The following CENPK variants were observed in gnomAD, a reference collection of about 807,000 sequenced individuals.
The protein encoded by CENPK is centromere protein K.
In CENPK, 46 loss-of-function variants were observed where a neutral mutation model predicts 40.9. The observed-to-expected ratio is 1.13, with a 90% confidence interval of 0.89 to 1.44. The LOEUF (loss-of-function observed/expected upper bound fraction) is 1.44. Among genes scored for constraint, CENPK ranks in the 40% most tolerant of loss-of-function variants. CENPK has a pLI of 0.00. For synonymous variants in CENPK, 107 were observed against 104.4 expected, an observed-to-expected ratio of 1.02 and a Z score of -0.15; for missense variants, 288 against 303.5, an observed-to-expected ratio of 0.95 and a Z score of 0.38.
intron 6 of CENPK, chr5:65,541,472 C>T (rs779754007): frequency 1.3e-5 from 6 of 456,114 alleles, no homozygotes; most frequent in African/African-American, 4.0e-5. Context: ...GAATTCCCCA[C>T]ACATTTTGGT....
chr5:65,504,822 C>G, the CENPK span, among the ~76,000 whole-genome samples: 4 of 152,302 alleles, frequency 2.6e-5, no homozygotes, highest in Admixed American at 2.0e-4. Context: ...TTCCTTAACC[C>G]TATCCTCCCC....
rs1257014773 is a variant in CENPK at position 65,538,130 on chromosome 5, A to G, written c.288+4672T>C. Reference sequence around the variant, plus strand: ...AGACGGTGTAAAGTGGTCCTTTTTAAAAAAAATGGCATTGTTATTTTGTGG... The same window carrying G: ...AGACGGTGTAAAGTGGTCCTTTTTAGAAAAAATGGCATTGTTATTTTGTGG... On this transcript the variant is annotated intron_variant, in intron 6 of 10. Coordinates refer to ENST00000396679, the MANE Select transcript of CENPK (RefSeq NM_022145.5). Among the ~76,000 whole-genome samples, 4 of 152,198 alleles carry G rather than the reference A, an allele frequency of 2.6e-5. No homozygotes were observed. In the East Asian group the frequency reaches 5.8e-4, roughly 22 times the overall value.
chr5:65,561,640 G>A (rs758559586), intron 1 of CENPK, 76 bp from the exon 2 acceptor site: 3 of 325,400 alleles, frequency 9.2e-6, no homozygotes, highest in African/African-American at 4.3e-5. Flanking sequence ...AACTTTTCCC[G>A]TTCCCACATT....
chr5:65,537,045 A>G (rs956461671), intron 6 of CENPK, among the ~76,000 whole-genome samples: 1 of 152,196 alleles, frequency 6.6e-6, no homozygotes, highest in African/African-American at 2.4e-5. Flanking sequence ...GTGCTATAAT[A>G]CAGTAAGATG....
At chr5:65,559,425 C>G (rs1239864582) in intron 2 of CENPK, among the ~76,000 whole-genome samples, 1 of 151,726 alleles carries the variant, frequency 6.6e-6, no homozygotes, top group East Asian at 1.9e-4. Context: ...GTCAGGAGAT[C>G]GAGACCATCC....
chr5:65,529,649 G>C (rs1400162552), intron 6 of CENPK: 1 of 155,742 alleles, frequency 6.4e-6, no homozygotes. Flanking sequence ...ACCATGCCAG[G>C]CTAATTTTTT....
chr5:65,536,652 T>TG (rs11374176), intron 6 of CENPK, among the ~76,000 whole-genome samples: 61,211 of 151,180 alleles, frequency 0.4, 12,724 homozygotes, highest in East Asian at 0.65. Flanking sequence ...ATGTAGGGAT[T>TG]GGGGGGGAGA....
At position 65,529,157 on chromosome 5, in the gene CENPK, T is replaced by C; in HGVS notation, c.331A>G (p.Lys111Glu). ...RQDLEMVLST[K>E]ESKNEKLKED... ...TTTAACTTTTCATTCTTTGACTCCTTAGTGGACAGTACCATTTCAAGATCT... is the reference window on the plus strand; with the variant it reads ...TTTAACTTTTCATTCTTTGACTCCTCAGTGGACAGTACCATTTCAAGATCT... The change falls in exon 7 of 11, where the codon AAG becomes GAG. Residue 111 changes from lysine (K) to glutamate (E), a missense_variant. Transcript: ENST00000396679. 6.2e-7 allele frequency: 1 copy of C among 1,611,062 alleles called. No individual in the cohort carries two copies. Among genetic ancestry groups the C allele is most frequent in the African/African-American group, 1.3e-5 (1 of 74,962 alleles).
the CENPK span, among the ~76,000 whole-genome samples, chr5:65,509,245 A>C: frequency 6.6e-6 from 1 of 152,178 alleles, no homozygotes; most frequent in Non-Finnish European, 1.5e-5. Flanking sequence ...TCACCTCTAT[A>C]TTAAGAAAGT....
chr5:65,533,122 G>A (rs1301671730), intron 6 of CENPK, among the ~76,000 whole-genome samples: 2 of 151,826 alleles, frequency 1.3e-5, no homozygotes, highest in African/African-American at 2.4e-5. Context: ...CACTTTGGGA[G>A]GCCGAGGACC....
intron 9 of CENPK, among the ~76,000 whole-genome samples, chr5:65,523,443 G>A (rs1303758049): frequency 6.6e-6 from 1 of 151,604 alleles, no homozygotes; most frequent in Non-Finnish European, 1.5e-5. Flanking sequence ...ATAAAGCCTT[G>A]CAGAAATACA....
chr5:65,551,809 G>C (rs10070413), intron 4 of CENPK, among the ~76,000 whole-genome samples, 173 bp from the exon 5 acceptor site: 1 of 152,000 alleles, frequency 6.6e-6, no homozygotes, highest in Non-Finnish European at 1.5e-5. Context: ...CTGATCCACT[G>C]ATCTATTCCT....
chr5:65,509,451 G>A, the CENPK span, among the ~76,000 whole-genome samples: 1 of 152,172 alleles, frequency 6.6e-6, no homozygotes, highest in African/African-American at 2.4e-5. Flanking sequence ...GTTCTTCCAT[G>A]TCTTTTCATA....
chr5:65,556,165 T>A (rs1195622030), intron 2 of CENPK, among the ~76,000 whole-genome samples: 1 of 152,084 alleles, frequency 6.6e-6, no homozygotes, highest in African/African-American at 2.4e-5. Context: ...AATAAATAAA[T>A]TAGCTAGAAA....
chr5:65,528,799 T>G (rs895702458), intron 8 of CENPK, 120 bp downstream of exon 8: 3 of 897,940 alleles, frequency 3.3e-6, no homozygotes, highest in Middle Eastern at 3.5e-4. Context: ...AGCTAATAGT[T>G]AACAAAAGTT....
Position 65,533,057 on chromosome 5 carries a change from G to A in CENPK, c.289-3858C>T, listed in dbSNP as rs1178525558. 1.5e-4 allele frequency among the ~76,000 whole-genome samples: 22 copies of A among 151,674 alleles called. No homozygotes were observed. The East Asian group carries it at 4.3e-3, about 30-fold the overall frequency. ...GTGACAAAATTCAATATTAATTTGT[G>A]ATTTTAAAATAAAAGACTTAGGCCA... On this transcript the variant is annotated intron_variant, in intron 6 of 10. Coordinates refer to ENST00000396679, the MANE Select transcript of CENPK (RefSeq NM_022145.5).
At chr5:65,530,685 A>AAT (rs1213494784) in intron 6 of CENPK, among the ~76,000 whole-genome samples, 1 of 152,182 alleles carries the variant, frequency 6.6e-6, no homozygotes, top group Non-Finnish European at 1.5e-5. Context: ...ATAAATAACT[A>AAT]ATAAGCCAAT....
chr5:65,561,321 A>G (rs1378631941), intron 2 of CENPK, 142 bp downstream of exon 2: 1 of 243,356 alleles, frequency 4.1e-6, no homozygotes, highest in African/African-American at 2.2e-5. Context: ...TACATTATCA[A>G]TATGCAAAAG....
intron 6 of CENPK, among the ~76,000 whole-genome samples, chr5:65,541,689 T>C (rs1475870747): frequency 6.6e-6 from 1 of 152,234 alleles, no homozygotes. Context: ...AGCTCTCTTA[T>C]AACCTCAGTT....
Sources: allele counts gnomAD v4.1 joint callset (sites outside exome capture counted in the v4.1 genomes callset), GRCh38; gene constraint gnomAD v4.1.1; transcripts MANE v1.5; gene names NCBI Gene and HGNC (gene_info 2026-07-23, HGNC 2026-07-21).